ZPBP: variants seen among roughly 807,000 people sequenced by gnomAD.
The protein encoded by ZPBP is zona pellucida binding protein, also known as zona pellucida-binding protein 1.
Under a neutral mutation model 44.8 loss-of-function variants are expected in ZPBP, and 26 were observed. The ratio of observed to expected loss-of-function variants is 0.58; its 90% confidence interval spans 0.43 to 0.81. The LOEUF is 0.81. Among genes scored for constraint, ZPBP ranks in the 30% least tolerant of loss-of-function variants. The pLI, the probability that ZPBP is intolerant of heterozygous loss-of-function variation, is 0.00. For missense variants in ZPBP, 409 were observed against 434.0 expected (o/e 0.94, Z 0.51); for synonymous variants, 174 against 153.2 (o/e 1.14, Z -1.00).
intron 7 of ZPBP, among the ~76,000 whole-genome samples, chr7:49,978,856 T>C (rs1248810778): frequency 6.6e-6 from 1 of 152,004 alleles, no homozygotes; most frequent in Non-Finnish European, 1.5e-5. Context: ...GTTAGGGTGA[T>C]AACCTCCTGT....
intron 4 of ZPBP, among the ~76,000 whole-genome samples, chr7:50,047,588 A>G (rs987921222): frequency 6.6e-6 from 1 of 151,832 alleles, no homozygotes; most frequent in Non-Finnish European, 1.5e-5. Context: ...ATAGGAGACT[A>G]AAACTAGACT....
intron 3 of ZPBP, among the ~76,000 whole-genome samples, chr7:50,066,371 T>A (rs1228333340): frequency 7.0e-6 from 1 of 143,746 alleles, no homozygotes; most frequent in Non-Finnish European, 1.6e-5. Context: ...ACAGACTGAA[T>A]AGGTGGTCTG....
At chr7:50,030,196 A>G (rs1450171820) in intron 5 of ZPBP, among the ~76,000 whole-genome samples, 1 of 152,062 alleles carries the variant, frequency 6.6e-6, no homozygotes, top group Non-Finnish European at 1.5e-5. Context: ...GGGGCTGGGG[A>G]AAAACTCTCA....
At chr7:49,962,778 G>T (rs573592917) in intron 7 of ZPBP, among the ~76,000 whole-genome samples, 1 of 151,598 alleles carries the variant, frequency 6.6e-6, no homozygotes, top group Non-Finnish European at 1.5e-5. Flanking sequence ...GTTTAGCAAG[G>T]CCACAAGATA....
chr7:49,843,871 A>C, the ZPBP span, among the ~76,000 whole-genome samples: 2 of 152,254 alleles, frequency 1.3e-5, no homozygotes, highest in Non-Finnish European at 2.9e-5. Context: ...AATGGAAAAA[A>C]GAAGACCAAT....
intron 3 of ZPBP, among the ~76,000 whole-genome samples, chr7:50,058,421 T>G (rs1321727987): frequency 6.6e-6 from 1 of 152,194 alleles, no homozygotes; most frequent in African/African-American, 2.4e-5. Context: ...ATCTGCTCCT[T>G]GCATTGAACT....
chr7:49,940,684 T>TAAA, intron 7 of ZPBP: 1 of 692,232 alleles, frequency 1.4e-6, no homozygotes, highest in Non-Finnish European at 1.8e-6. Context: ...TTGAAATGAT[T>TAAA]AAAAAAAAAA....
At chr7:50,026,376 T>C (rs1341981348) in intron 5 of ZPBP, among the ~76,000 whole-genome samples, 4 of 151,760 alleles carry the variant, frequency 2.6e-5, no homozygotes, top group African/African-American at 9.7e-5. Context: ...ATATTGAATA[T>C]AAAAGGCAGA....
At chr7:49,955,342 A>C (rs1795534459) in intron 7 of ZPBP, among the ~76,000 whole-genome samples, 1 of 152,174 alleles carries the variant, frequency 6.6e-6, no homozygotes, top group Non-Finnish European at 1.5e-5. Flanking sequence ...GCGGATCACA[A>C]GGTCAGCCAC....
intron 1 of ZPBP, among the ~76,000 whole-genome samples, chr7:49,928,789 G>C (rs1166648025): frequency 1.3e-5 from 2 of 152,178 alleles, no homozygotes; most frequent in South Asian, 4.1e-4. Flanking sequence ...CAGTGGGTTA[G>C]ATAACGCCTA....
intron 2 of ZPBP, among the ~76,000 whole-genome samples, chr7:50,083,244 T>C (rs1032990): frequency 0.78 from 118,708 of 151,752 alleles, 46,500 homozygotes; most frequent in East Asian, 0.88. Flanking sequence ...TTCCTCTACA[T>C]CAACAATAAT....
chr7:49,942,984 C>A, intron 7 of ZPBP: 1 of 218,338 alleles, frequency 4.6e-6, no homozygotes, highest in South Asian at 7.3e-5. Flanking sequence ...TTCTGGGTTG[C>A]TTCTGTGGCA....
intron 3 of ZPBP, among the ~76,000 whole-genome samples, chr7:50,069,474 C>T (rs921698184): frequency 1.3e-5 from 2 of 152,166 alleles, no homozygotes; most frequent in Non-Finnish European, 2.9e-5. Context: ...TGAGTCAATA[C>T]AAAGACTAGG....
chr7:50,047,230 G>A (rs1268339424), intron 4 of ZPBP, among the ~76,000 whole-genome samples: 1 of 151,866 alleles, frequency 6.6e-6, no homozygotes, highest in Non-Finnish European at 1.5e-5. Flanking sequence ...AACCACCACG[G>A]TATGTGTATA....
At position 50,093,081 on chromosome 7, in the gene ZPBP, C is replaced by G. The variant is rs1178519561; in HGVS notation, c.114G>C (p.Arg38=). 6.2e-7 allele frequency: 1 copy of G among 1,600,900 alleles called. No homozygotes were observed. The highest frequency in any genetic ancestry group is 8.5e-7 in the Non-Finnish European group (1 of 1,174,116). ...GCGGACCCTCACCTGATGAGGGCAC[C>G]CGCACCAGGAAGGCGGAGATAAAGA... ...ILLFISAFLV[R]VPSSVGHLVR... The change falls in exon 1 of 8, where the codon CGG becomes CGC. Residue 38 remains arginine (R), a synonymous_variant. Transcript: ENST00000046087.
chr7:49,872,163 T>A (rs1791186651), intron 2 of ZPBP, among the ~76,000 whole-genome samples: 1 of 152,112 alleles, frequency 6.6e-6, no homozygotes, highest in Admixed American at 6.5e-5. Context: ...AAATATTTGA[T>A]CATTGAAACT....
intron 2 of ZPBP, among the ~76,000 whole-genome samples, chr7:49,877,482 ATATATATATATATATAT>A (rs1791479069): frequency 9.8e-5 from 2 of 20,342 alleles, no homozygotes; most frequent in Admixed American, 7.8e-4. Context: ...AAAAAAAAAA[ATATATATATATATATAT>A]ATATATATAT....
chr7:49,899,983 C>T (rs1792625126), intron 2 of ZPBP, among the ~76,000 whole-genome samples: 1 of 151,672 alleles, frequency 6.6e-6, no homozygotes, highest in African/African-American at 2.4e-5. Flanking sequence ...TCTCAGACTA[C>T]AAGGGAATTA....
chr7:49,925,526 C>T (rs1051388153), intron 1 of ZPBP, among the ~76,000 whole-genome samples: 1 of 152,230 alleles, frequency 6.6e-6, no homozygotes, highest in African/African-American at 2.4e-5. Flanking sequence ...ATGTGGGATT[C>T]TGATGGAGCT....
Sources: allele counts gnomAD v4.1 joint callset (sites outside exome capture counted in the v4.1 genomes callset), GRCh38; gene constraint gnomAD v4.1.1; transcripts MANE v1.5; gene names NCBI Gene and HGNC (gene_info 2026-07-23, HGNC 2026-07-21).